TCHH: variants seen among roughly 807,000 people sequenced by gnomAD.
The protein encoded by TCHH is trichohyalin.
Under a neutral mutation model 6.3 loss-of-function variants are expected in TCHH, and 6 were observed. That is an observed-to-expected ratio of 0.95 (90% CI 0.52 to 1.88). TCHH has a LOEUF of 1.88. Among genes scored for constraint, TCHH ranks in the 40% most tolerant of loss-of-function variants. The pLI is 0.01. For synonymous variants in TCHH, 1,087 were observed against 963.6 expected, an observed-to-expected ratio of 1.13 and a Z score of -2.37; for missense variants, 2,920 against 2,449.1, an observed-to-expected ratio of 1.19 and a Z score of -4.06.
intron 2 of TCHH, 89 bp downstream of exon 2, chr1:152,113,854 A>G: frequency 1.1e-5 from 17 of 1,482,976 alleles, no homozygotes; most frequent in Non-Finnish European, 1.5e-5. Flanking sequence ...TAAAATGAAT[A>G]TAAAACCACC....
rs2496251 is a variant in TCHH at position 152,109,156 on chromosome 1, C to G, written c.4061G>C (p.Arg1354Pro). The change falls in exon 3 of 3, where the codon CGC becomes CCC. Residue 1354 changes from arginine to proline, a missense_variant. Physicochemically the swap from Arg to Pro is moderately radical, Grantham distance 103 (BLOSUM62 -2). Transcript: ENST00000614923. ...LLQEREEQPL[R>P]RQERDRKFRE... ...GAATTTTCTGTCACGCTCTTGGCGG[C>G]GCAGCGGCTGTTCCTCCCTTTCCTG... The G allele has an allele frequency of 5.5e-3, 8,868 of 1,612,720 alleles. 38 individuals are homozygous for G. The highest frequency in any genetic ancestry group is 6.3e-3 in the Non-Finnish European group (7,379 of 1,179,498).
chr1:152,108,403 C>G lies in TCHH; in HGVS notation c.4814G>C (p.Arg1605Pro), dbSNP rs763165126. ...RKFMEDEQQL[R>P]RQEGQQQLRQ... is the part of the protein sequence containing the mutation. ...CAGCTGTTGTTGGCCCTCCTGGCGG[C>G]GCAGCTGCTGTTCGTCCTCCATGAA... Residue 1605 changes from arginine (R) to proline (P), a missense_variant, in exon 3 of 3, where the codon CGC becomes CCC. Transcript: ENST00000614923. 11 of 1,612,126 alleles carry G rather than the reference C, an allele frequency of 6.8e-6. No homozygotes were observed. The highest frequency in any genetic ancestry group is 9.3e-6 in the Non-Finnish European group (11 of 1,179,576).
At position 152,108,771 on chromosome 1, in the gene TCHH, C is replaced by T. The variant is rs71625147; in HGVS notation, c.4446G>A (p.Glu1482=). 7.9e-5 allele frequency: 128 copies of T among 1,611,624 alleles called. No individual in the cohort carries two copies. The highest frequency in any genetic ancestry group is 1.4e-5 in the Non-Finnish European group (16 of 1,179,482). ...EREEQQLHRQ[E]RDRKFLEEEQ... is the part of the protein sequence containing the mutation. ...CCTCCTCCAGGAATTTTCTGTCACG[C>T]TCTTGGCGGTGCAGCTGCTGTTCTT... The change falls in exon 3 of 3, where the codon GAG becomes GAA. Residue 1482 remains glutamate, a synonymous_variant. Transcript: ENST00000614923.
chr1:152,112,975 A>G lies in TCHH; in HGVS notation c.242T>C (p.Val81Ala). 1 of 1,614,074 alleles carries G rather than the reference A, an allele frequency of 6.2e-7. No individual in the cohort carries two copies. Among genetic ancestry groups the G allele is most frequent in the Non-Finnish European group, 8.5e-7 (1 of 1,180,020 alleles). The change falls in exon 3 of 3, where the codon GTG becomes GCG. Residue 81 changes from valine (V) to alanine (A), a missense_variant. By Grantham distance (64) the Val-to-Ala change is moderately conservative. Transcript: ENST00000614923. The stretch of plus-strand genomic sequence containing the variant: ...GAGAGCATAGTAACAAGCTTGAGCC[A>G]CTTTGAAAATAAATAGGAGGAATTC... Reference protein sequence around the residue: ...FNEFLLFIFKVAQACYYALGQ... With the variant: ...FNEFLLFIFKAAQACYYALGQ...
Position 152,114,026 on chromosome 1 carries a change from C to A in TCHH, c.55G>T (p.Val19Phe), listed in dbSNP as rs367655938. The A allele has an allele frequency of 2.5e-6, 4 of 1,613,598 alleles. No individual in the cohort carries two copies. The highest frequency in any genetic ancestry group is 1.3e-5 in the African/African-American group (1 of 74,922). The change falls in exon 2 of 3, where the codon GTC becomes TTC. Residue 19 changes from valine to phenylalanine, a missense_variant. By Grantham distance (50) the Val-to-Phe change is conservative (BLOSUM62 -1). Transcript: ENST00000614923. Reference protein sequence around the residue: ...CDITEIFNQYVSHDCDGAALT... With the variant: ...CDITEIFNQYFSHDCDGAALT... Reference sequence around the variant, plus strand: ...GCTGCTCCATCACAATCATGAGAGACATACTGATTGAAAATTTCAGTGATG... The same window carrying A: ...GCTGCTCCATCACAATCATGAGAGAAATACTGATTGAAAATTTCAGTGATG...
chr1:152,107,992 CGGCGCAGCTGCTCTTGCTCCGTTTCTT>C lies in TCHH; in HGVS notation c.5198_5224del (p.Gln1733_Arg1741del), dbSNP rs1181844115. 9 of 1,612,832 alleles carry C rather than the reference CGGCGCAGCTGCTCTTGCTCCGTTTCTT, an allele frequency of 5.6e-6. No individual in the cohort carries two copies. Among genetic ancestry groups the C allele is most frequent in the Non-Finnish European group, 7.6e-6 (9 of 1,179,784 alleles). ...TAGGATTTTTCTGTAGCGTTCTTGG[CGGCGCAGCTGCTCTTGCTCCGTTTCTT>C]GGCGCAGCTGTTCCTCCTCACGGAA... is the stretch of plus-strand genomic sequence containing the variant. On this transcript the variant is annotated inframe_deletion, in exon 3 of 3. Coordinates refer to ENST00000614923, the MANE Select transcript of TCHH (RefSeq NM_007113.4).
chr1:152,107,783 G>A lies in TCHH; in HGVS notation c.5434C>T (p.Leu1812=), dbSNP rs779876646. ...QLRQEREEQQ[L]RPQQRDGKYR... is the part of the protein sequence containing the mutation. Reference sequence around the variant, plus strand: ...TTTCCGTCACGCTGTTGGGGGCGCAGCTGCTGTTCTTCCCTCTCCTGGCGT... The same window carrying A: ...TTTCCGTCACGCTGTTGGGGGCGCAACTGCTGTTCTTCCCTCTCCTGGCGT... Residue 1812 remains leucine (L), a synonymous_variant, in exon 3 of 3, where the codon CTG becomes TTG. Transcript: ENST00000614923. The A allele has an allele frequency of 1.9e-6, 3 of 1,614,078 alleles. No homozygotes were observed. The highest frequency in any genetic ancestry group is 2.2e-5 in the South Asian group (2 of 91,090).
In TCHH at chr1:152,114,001, G is replaced by C. The variant is rs1171262662; in HGVS notation, c.80C>G (p.Ala27Gly). Residue 27 changes from alanine to glycine, a missense_variant, in exon 2 of 3, where the codon GCA becomes GGA. Physicochemically the swap from Ala to Gly is moderately conservative, Grantham distance 60 (BLOSUM62 0). Transcript: ENST00000614923. ...QYVSHDCDGA[A>G]LTKKDLKNLL... ...GTTCTTCAGGTCTTTCTTAGTTAAT[G>C]CTGCTCCATCACAATCATGAGAGAC... 3 of 1,613,954 alleles carry C rather than the reference G, an allele frequency of 1.9e-6. No homozygotes were observed. The highest frequency in any genetic ancestry group is 2.5e-6 in the Non-Finnish European group (3 of 1,179,938).
At position 152,111,675 on chromosome 1, in the gene TCHH, C is replaced by T; in HGVS notation, c.1542G>A (p.Arg514=). The change falls in exon 3 of 3, where the codon AGG becomes AGA. Residue 514 remains arginine, a synonymous_variant. Transcript: ENST00000614923. ...EQQLRREQEE[R]REQRLKRQEE... ...CCTGGCGCTTCAGCCGCTGCTCGCG[C>T]CTCTCCTCTTGCTCCCGCCTTAGTT... The T allele has an allele frequency of 6.4e-7, 1 of 1,573,170 alleles. No individual in the cohort carries two copies. Among genetic ancestry groups the T allele is most frequent in the Non-Finnish European group, 8.7e-7 (1 of 1,149,996 alleles).
At position 152,109,349 on chromosome 1, in the gene TCHH, C is replaced by A; in HGVS notation, c.3868G>T (p.Asp1290Tyr). ...TGTTCTTCCTCTGGGAAATGCCTGT[C>A]GCGCTGCTGCCAGCGCCTCCTCTCT... ...EQERRRWQQR[D>Y]RHFPEEEQLE... Residue 1290 changes from aspartate (D) to tyrosine (Y), a missense_variant, in exon 3 of 3, where the codon GAC (aspartate) becomes TAC (tyrosine). Coordinates refer to ENST00000614923, the MANE Select transcript of TCHH (RefSeq NM_007113.4). 1 of 1,614,242 alleles carries A rather than the reference C, an allele frequency of 6.2e-7. No homozygotes were observed. Among genetic ancestry groups the A allele is most frequent in the Non-Finnish European group, 8.5e-7 (1 of 1,180,046 alleles).
chr1:152,111,052 C>T lies in TCHH; in HGVS notation c.2165G>A (p.Arg722Lys), dbSNP rs1658323627. The T allele has an allele frequency of 1.9e-6, 3 of 1,613,518 alleles. No homozygotes were observed. Among genetic ancestry groups the T allele is most frequent in the African/African-American group, 1.3e-5 (1 of 75,006 alleles). ...CCTCTGCCCTTCCTGCTTGCGGGGC[C>T]TCGAGTAGACTTTGCTTTGCCGTGC... The part of the protein sequence containing the change: ...ADARQSKVYS[R>K]PRKQEGQRRR... The change falls in exon 3 of 3, where the codon AGG (arginine) becomes AAG (lysine). Residue 722 changes from arginine (R) to lysine (K), a missense_variant. Arg to Lys is a conservative substitution (Grantham distance 26, BLOSUM62 2). Coordinates refer to ENST00000614923, the MANE Select transcript of TCHH (RefSeq NM_007113.4).
chr1:152,108,876 T>A lies in TCHH; in HGVS notation c.4341A>T (p.Lys1447Asn), dbSNP rs1459803164. The change falls in exon 3 of 3, where the codon AAA becomes AAT. Residue 1447 changes from lysine to asparagine, a missense_variant. Physicochemically the swap from Lys to Asn is moderately conservative, Grantham distance 94 (BLOSUM62 0). Transcript: ENST00000614923. ...QQVRRQERER[K>N]FLEEEQQLRQ... ...GCAGCTGCTGTTCCTCCTCCAGGAA[T>A]TTTCTCTCTCGTTCCTGGCGGCGCA... 1 of 1,608,686 alleles carries A rather than the reference T, an allele frequency of 6.2e-7. No individual in the cohort carries two copies.
chr1:152,108,892 T>C lies in TCHH; in HGVS notation c.4325A>G (p.Gln1442Arg), dbSNP rs1243852752. The C allele has an allele frequency of 1.9e-6, 3 of 1,613,338 alleles. No individual in the cohort carries two copies. The highest frequency in any genetic ancestry group is 2.2e-5 in the South Asian group (2 of 91,060). ...CTCCAGGAATTTTCTCTCTCGTTCCTGGCGGCGCACCTGCTGTTCCTCTTC... is the reference window on the plus strand; with the variant it reads ...CTCCAGGAATTTTCTCTCTCGTTCCCGGCGGCGCACCTGCTGTTCCTCTTC... ...FREEEQQVRR[Q>R]ERERKFLEEE... Residue 1442 changes from glutamine to arginine, a missense_variant, in exon 3 of 3, where the codon CAG (glutamine) becomes CGG (arginine). Coordinates refer to ENST00000614923, the MANE Select transcript of TCHH (RefSeq NM_007113.4).
In TCHH at chr1:152,109,557, G is replaced by T. The variant is rs369823421; in HGVS notation, c.3660C>A (p.Arg1220=). The change falls in exon 3 of 3, where the codon CGC becomes CGA. Residue 1220 remains arginine (R), a synonymous_variant. Transcript: ENST00000614923. The part of the protein sequence containing the change: ...RKQRYRDEDQ[R]SDLKWQWEPE... Reference sequence around the variant, plus strand: ...GTTCCCACTGCCATTTCAGATCACTGCGCTGATCCTCATCCCGGTATCGCT... The same window carrying T: ...GTTCCCACTGCCATTTCAGATCACTTCGCTGATCCTCATCCCGGTATCGCT... The T allele has an allele frequency of 2.6e-5, 42 of 1,614,108 alleles. No individual in the cohort carries two copies. Among genetic ancestry groups the T allele is most frequent in the Non-Finnish European group, 3.3e-5 (39 of 1,180,056 alleles).
rs374657817 is a variant in TCHH at position 152,107,492 on chromosome 1, G to A, written c.5725C>T (p.His1909Tyr). The A allele has an allele frequency of 3.7e-6, 6 of 1,614,212 alleles. No homozygotes were observed. The highest frequency in any genetic ancestry group is 5.1e-6 in the Non-Finnish European group (6 of 1,180,042). Residue 1909 changes from histidine to tyrosine, a missense_variant, in exon 3 of 3, where the codon CAT (histidine) becomes TAT (tyrosine). Coordinates refer to ENST00000614923, the MANE Select transcript of TCHH (RefSeq NM_007113.4). ...GEIKSQEGKG[H>Y]GRLLEPGTHQ... ...GTGCCGGGCTCCAGAAGCCGCCCAT[G>A]GCCCTTCCCTTCTTGGGATTTTATC...
In TCHH at chr1:152,109,443, C is replaced by A; in HGVS notation, c.3774G>T (p.Leu1258=). The A allele has an allele frequency of 1.2e-6, 2 of 1,613,746 alleles. No individual in the cohort carries two copies. Among genetic ancestry groups the A allele is most frequent in the Non-Finnish European group, 1.7e-6 (2 of 1,179,638 alleles). ...EQFRQLEDSQ[L]RDRQSQQDLQ... ...GATCTTGCTGGGATTGTCTGTCGCG[C>A]AGCTGGGAATCTTCCAACTGCCGGA... Residue 1258 remains leucine (L), a synonymous_variant, in exon 3 of 3, where the codon CTG becomes CTT. Transcript: ENST00000614923.
rs1658415856 is a variant in TCHH at position 152,112,578 on chromosome 1, C to T, written c.639G>A (p.Arg213=). Residue 213 remains arginine, a synonymous_variant, in exon 3 of 3, where the codon CGG becomes CGA. Transcript: ENST00000614923. ...EFPDEEQLRR[R]ELLELRRKGR... is the part of the protein sequence containing the mutation. ...CCTTCCTCCTCAGCTCCAGCAGCTC[C>T]CGCCTTCGCAGTTGCTCTTCGTCTG... 2 of 1,613,658 alleles carry T rather than the reference C, an allele frequency of 1.2e-6. No homozygotes were observed. The highest frequency in any genetic ancestry group is 8.5e-7 in the Non-Finnish European group (1 of 1,180,018).
In TCHH at chr1:152,111,732, C is replaced by CA; in HGVS notation, c.1484_1485insT (p.Glu495AspfsTer183). Reference sequence around the variant, plus strand: ...CGCGCCTCTCCTGCTGCTCGCGCCTCTCCTCCTCCTCGAGCTTCAGCCAAC... The same window carrying CA: ...CGCGCCTCTCCTGCTGCTCGCGCCTCATCCTCCTCCTCGAGCTTCAGCCAAC... On this transcript the variant is annotated frameshift_variant, in exon 3 of 3. Transcript: ENST00000614923. LOFTEE classifies it low-confidence loss of function (END_TRUNC). The CA allele has an allele frequency of 6.3e-7, 1 of 1,595,774 alleles. No individual in the cohort carries two copies. Among genetic ancestry groups the CA allele is most frequent in the Non-Finnish European group, 8.6e-7 (1 of 1,169,156 alleles).
Position 152,111,058 on chromosome 1 carries a change from T to C in TCHH, c.2159A>G (p.Tyr720Cys), listed in dbSNP as rs760622043. 4 of 1,613,276 alleles carry C rather than the reference T, an allele frequency of 2.5e-6. No homozygotes were observed. The Admixed American group carries it at 6.7e-5, about 27-fold the overall frequency. ...SEADARQSKVYSRPRKQEGQR... is the reference protein window; with the variant it reads ...SEADARQSKVCSRPRKQEGQR... ...CCCTTCCTGCTTGCGGGGCCTCGAG[T>C]AGACTTTGCTTTGCCGTGCGTCGGC... Residue 720 changes from tyrosine to cysteine, a missense_variant, in exon 3 of 3, where the codon TAC becomes TGC. Tyr to Cys is a radical substitution (Grantham distance 194). Transcript: ENST00000614923.
Sources: gnomAD v4.1 joint callset for allele counts on GRCh38, gnomAD v4.1.1 for gene constraint, MANE v1.5 for transcripts, NCBI Gene and HGNC (gene_info 2026-07-23, HGNC 2026-07-21) for gene names.